SYNDIG1: variants seen among roughly 807,000 people sequenced by gnomAD.
SYNDIG1 encodes the protein synapse differentiation-inducing gene protein 1.
A neutral mutation model predicts 19.4 loss-of-function variants in SYNDIG1; 9 were observed. That is an observed-to-expected ratio of 0.46 (90% CI 0.28 to 0.81). The LOEUF (loss-of-function observed/expected upper bound fraction) is 0.81. Ranked by LOEUF, SYNDIG1 falls within the 30% of genes least tolerant of loss-of-function variation. SYNDIG1 has a pLI of 0.12. For synonymous variants in SYNDIG1, 141 were observed against 145.9 expected, an observed-to-expected ratio of 0.97 and a Z score of 0.24; for missense variants, 311 against 343.3, an observed-to-expected ratio of 0.91 and a Z score of 0.74.
At chr20:24,625,575 A>G (rs993434491) in intron 3 of SYNDIG1, among the ~76,000 whole-genome samples, 1 of 151,938 alleles carries the variant, frequency 6.6e-6, no homozygotes, top group Admixed American at 6.6e-5. Flanking sequence ...CTTAACGAGC[A>G]TGCTGCCTTC....
At chr20:24,660,847 A>G (rs1325298991) in intron 3 of SYNDIG1, among the ~76,000 whole-genome samples, 1 of 152,218 alleles carries the variant, frequency 6.6e-6, no homozygotes, top group East Asian at 1.9e-4. Context: ...CTGCCCAGCC[A>G]GGGGCTGGTC....
intron 1 of SYNDIG1, among the ~76,000 whole-genome samples, chr20:24,473,079 C>A (rs116337842): frequency 6.6e-6 from 1 of 152,278 alleles, no homozygotes; most frequent in African/African-American, 2.4e-5. Flanking sequence ...AAATGTACCG[C>A]TGTGGCCCAT....
intron 1 of SYNDIG1, among the ~76,000 whole-genome samples, chr20:24,539,274 A>G (rs1461143123): frequency 6.6e-6 from 1 of 152,132 alleles, no homozygotes; most frequent in East Asian, 1.9e-4. Flanking sequence ...GTTTTTGAAT[A>G]TGGTGTTAGG....
At chr20:24,648,754 A>G (rs574362118) in intron 3 of SYNDIG1, among the ~76,000 whole-genome samples, 1 of 152,390 alleles carries the variant, frequency 6.6e-6, no homozygotes, top group Non-Finnish European at 1.5e-5. Flanking sequence ...AGCCAAGTGC[A>G]GCAACACAGA....
At chr20:24,607,370 A>AG in intron 3 of SYNDIG1, among the ~76,000 whole-genome samples, 2 of 151,832 alleles carry the variant, frequency 1.3e-5, no homozygotes, top group South Asian at 4.2e-4. Flanking sequence ...CAAAAAAAAA[A>AG]AAAAAAAAGA....
chr20:24,492,563 C>G (rs950250133), intron 1 of SYNDIG1, among the ~76,000 whole-genome samples: 1 of 152,216 alleles, frequency 6.6e-6, no homozygotes, highest in Non-Finnish European at 1.5e-5. Context: ...AATCCCCCAC[C>G]TAGCCCTGAG....
chr20:24,659,457 A>G (rs2059562783), intron 3 of SYNDIG1, among the ~76,000 whole-genome samples: 1 of 152,224 alleles, frequency 6.6e-6, no homozygotes, highest in Non-Finnish European at 1.5e-5. Flanking sequence ...TGTGTCCTGC[A>G]TTCAGCAAAG....
intron 1 of SYNDIG1, among the ~76,000 whole-genome samples, chr20:24,526,573 A>G (rs1013301037): frequency 6.6e-6 from 1 of 152,108 alleles, no homozygotes; most frequent in African/African-American, 2.4e-5. Context: ...ATATATAGAG[A>G]GAGAGATATA....
At chr20:24,615,325 T>C (rs761427176) in intron 3 of SYNDIG1, among the ~76,000 whole-genome samples, 8 of 152,162 alleles carry the variant, frequency 5.3e-5, no homozygotes, top group Non-Finnish European at 7.4e-5. Flanking sequence ...AACCCCACCA[T>C]CCACCTGAAA....
chr20:24,550,387 G>T (rs1453982704), intron 2 of SYNDIG1, among the ~76,000 whole-genome samples: 2 of 152,278 alleles, frequency 1.3e-5, no homozygotes, highest in Non-Finnish European at 2.9e-5. Context: ...TCTATTTGTG[G>T]TTTTTCTAGG....
rs553053727 is a variant in SYNDIG1, at chr20:24,496,247, A to G, written c.-79+26494A>G. Among the ~76,000 whole-genome samples, 20 of 152,248 alleles carry G rather than the reference A, an allele frequency of 1.3e-4. No individual in the cohort carries two copies. The South Asian group carries it at 4.1e-3, about 32-fold the overall frequency. ...CCCGTAAATGTTAATTTGACGATAC[A>G]CTTGTCCGTTCCGCCAGCTGTGGTG... On this transcript the variant is annotated intron_variant, in intron 1 of 3. Transcript: ENST00000376862.
intron 1 of SYNDIG1, among the ~76,000 whole-genome samples, chr20:24,522,916 C>T (rs1428620675): frequency 6.6e-6 from 1 of 152,188 alleles, no homozygotes; most frequent in African/African-American, 2.4e-5. Flanking sequence ...ACAGCAAGAA[C>T]TTACTCCTTG....
At chr20:24,613,489 C>G (rs949122584) in intron 3 of SYNDIG1, among the ~76,000 whole-genome samples, 2 of 152,216 alleles carry the variant, frequency 1.3e-5, no homozygotes, top group South Asian at 2.1e-4. Flanking sequence ...CAGGACTGGG[C>G]GAGGACTTGC....
chr20:24,661,326 AAGAGAGG>A (rs2059583716), intron 3 of SYNDIG1, among the ~76,000 whole-genome samples: 1 of 128,380 alleles, frequency 7.8e-6, no homozygotes, highest in African/African-American at 2.7e-5. Flanking sequence ...GGAGGGAGGG[AAGAGAGG>A]GGGAGGAAGG....
chr20:24,550,746 G>A lies in SYNDIG1; in HGVS notation c.480+7169G>A, dbSNP rs555427782. Among the ~76,000 whole-genome samples, 346 of 152,178 alleles carry A rather than the reference G, an allele frequency of 2.3e-3. 1 individual carries two copies. The highest frequency in any genetic ancestry group is 7.8e-3 in the African/African-American group (322 of 41,528). ...AGGATGGTCTCGATCTCCTGACCTC[G>A]TGATCTGCCCGCCTCGGCCTCCCAA... On this transcript the variant is annotated intron_variant, in intron 2 of 3. Coordinates refer to ENST00000376862, the MANE Select transcript of SYNDIG1 (RefSeq NM_024893.3).
chr20:24,615,055 G>C (rs2058908583), intron 3 of SYNDIG1, among the ~76,000 whole-genome samples: 1 of 152,234 alleles, frequency 6.6e-6, no homozygotes, highest in Admixed American at 6.5e-5. Context: ...GCTAACATTT[G>C]AAATTAACAG....
At chr20:24,489,142 GCACACACC>G (rs1362521622) in intron 1 of SYNDIG1, among the ~76,000 whole-genome samples, 2 of 152,146 alleles carry the variant, frequency 1.3e-5, no homozygotes, top group Admixed American at 1.3e-4. Context: ...CTGTACGCAT[GCACACACC>G]CACACTCATG....
chr20:24,518,051 C>A (rs561551415), intron 1 of SYNDIG1, among the ~76,000 whole-genome samples: 1 of 151,864 alleles, frequency 6.6e-6, no homozygotes, highest in South Asian at 2.1e-4. Context: ...CGTGATCCAC[C>A]TGCCTCAGCT....
chr20:24,620,208 G>A (rs540827904), intron 3 of SYNDIG1, among the ~76,000 whole-genome samples: 6 of 152,276 alleles, frequency 3.9e-5, no homozygotes, highest in African/African-American at 1.4e-4. Flanking sequence ...ATTTATTGCT[G>A]CTACCCATAC....
Sources: gnomAD v4.1 joint callset for allele counts (sites outside exome capture counted in the v4.1 genomes callset) on GRCh38, gnomAD v4.1.1 for gene constraint, MANE v1.5 for transcripts, NCBI Gene and HGNC (gene_info 2026-07-23, HGNC 2026-07-21) for gene names.